Variants in ZNF215 observed in about 807,000 individuals in gnomAD.
ZNF215 encodes the protein zinc finger protein 215.
ZNF215 carries 24 observed loss-of-function variants against 27.2 expected under a neutral mutation model. That is an observed-to-expected ratio of 0.88 (90% confidence interval 0.64 to 1.24). The LOEUF (loss-of-function observed/expected upper bound fraction) is 1.24. ZNF215 is among the 50% of genes most tolerant of loss of function. ZNF215 has a pLI of 0.00. For synonymous variants in ZNF215, 210 were observed against 204.0 expected, an observed-to-expected ratio of 1.03 and a Z score of -0.25; for missense variants, 675 against 605.7, an observed-to-expected ratio of 1.11 and a Z score of -1.20.
chr11:6,982,328 A>T (rs955160144), intron 5 of ZNF215, among the ~76,000 whole-genome samples: 1 of 151,950 alleles, frequency 6.6e-6, no homozygotes, highest in African/African-American at 2.4e-5. Context: ...ACACCCCACT[A>T]TCAACATTAG....
chr11:6,951,519 A>G (rs374279868), intron 6 of ZNF215, among the ~76,000 whole-genome samples: 5 of 152,036 alleles, frequency 3.3e-5, no homozygotes, highest in African/African-American at 7.2e-5. Context: ...GTTTATTTGC[A>G]TAGAGGTGTT....
At chr11:6,969,564 G>A (rs1383187216) in intron 5 of ZNF215, among the ~76,000 whole-genome samples, 1 of 146,088 alleles carries the variant, frequency 6.8e-6, no homozygotes, top group African/African-American at 2.5e-5. Context: ...AAACATAATT[G>A]CATCAGTAAA....
intron 6 of ZNF215, among the ~76,000 whole-genome samples, chr11:6,947,839 T>G (rs143336104): frequency 1.3e-5 from 2 of 152,336 alleles, no homozygotes; most frequent in Non-Finnish European, 2.9e-5. Flanking sequence ...TGGGATGGAA[T>G]GTCCAAGATG....
At position 6,957,114 on chromosome 11, in the gene ZNF215, G is replaced by A. The variant is rs1267774898; in HGVS notation, c.*583G>A. ...TAGAGTTGGGAAAGGGTTATCAACTGCAATGGGAGAAGTATGTATTGCTGT... is the reference window on the plus strand; with the variant it reads ...TAGAGTTGGGAAAGGGTTATCAACTACAATGGGAGAAGTATGTATTGCTGT... On this transcript the variant is annotated 3_prime_UTR_variant, in exon 7 of 7. Transcript: ENST00000278319. The A allele has an allele frequency of 2.0e-6, 2 of 985,420 alleles. No individual in the cohort carries two copies. Among genetic ancestry groups the A allele is most frequent in the Non-Finnish European group, 1.2e-6 (1 of 829,922 alleles). The allele number at this position is 985,420 out of a possible 1,614,324, so 61.0% of individuals were successfully genotyped here.
downstream of ZNF215, among the ~76,000 whole-genome samples, chr11:6,990,314 C>T (rs891771277): frequency 2.0e-5 from 3 of 152,126 alleles, no homozygotes; most frequent in African/African-American, 7.2e-5. Context: ...GAAGGGAAAT[C>T]TTTCCAGTGG....
At chr11:6,952,360 T>C (rs570421621) in intron 6 of ZNF215, among the ~76,000 whole-genome samples, 1 of 152,192 alleles carries the variant, frequency 6.6e-6, no homozygotes, top group African/African-American at 2.4e-5. Context: ...TATTATTGTG[T>C]GGGAGTCTAA....
At chr11:6,966,759 G>C (rs1850628026) in intron 5 of ZNF215, among the ~76,000 whole-genome samples, 1 of 149,970 alleles carries the variant, frequency 6.7e-6, no homozygotes, top group Admixed American at 6.7e-5. Context: ...GTACTTTTTT[G>C]TTTCTTAAGG....
downstream of ZNF215, among the ~76,000 whole-genome samples, chr11:6,987,760 G>T (rs771270505): frequency 6.6e-6 from 1 of 152,154 alleles, no homozygotes; most frequent in African/African-American, 2.4e-5. Context: ...CTAGTAACCA[G>T]TCAGTTGTTC....
intron 6 of ZNF215, among the ~76,000 whole-genome samples, chr11:6,948,499 G>GA (rs1042278484): frequency 5.9e-5 from 9 of 152,090 alleles, no homozygotes; most frequent in Non-Finnish European, 1.2e-4. Flanking sequence ...ATAAATATTA[G>GA]AAAAGCAAAG....
intron 5 of ZNF215, among the ~76,000 whole-genome samples, chr11:6,977,189 A>G (rs1477313833): frequency 6.6e-6 from 1 of 152,058 alleles, no homozygotes; most frequent in Non-Finnish European, 1.5e-5. Flanking sequence ...GTGGCCAACC[A>G]CAGTCTGAAA....
In ZNF215 at chr11:6,932,300, A is replaced by G; in HGVS notation, c.28A>G (p.Ile10Val). ...GCAGCCTCTGAGCAAGTTGATGGCT[A>G]TCTCAAAACCTCGAAACCTGTCTCT... MQPLSKLMA[I>V]SKPRNLSLRE... is the part of the protein sequence containing the mutation. Residue 10 changes from isoleucine (I) to valine (V), a missense_variant, in exon 3 of 7, where the codon ATC becomes GTC. Transcript: ENST00000278319. 12 of 1,614,070 alleles carry G rather than the reference A, an allele frequency of 7.4e-6. No individual in the cohort carries two copies. The highest frequency in any genetic ancestry group is 1.0e-5 in the Non-Finnish European group (12 of 1,179,990).
chr11:6,993,377 A>G (rs1304196698), downstream of ZNF215, among the ~76,000 whole-genome samples: 1 of 152,180 alleles, frequency 6.6e-6, no homozygotes, highest in Non-Finnish European at 1.5e-5. Flanking sequence ...TCTGATCCTC[A>G]GAGAAATCAC....
At chr11:6,941,708 T>C in intron 4 of ZNF215, 55 bp downstream of exon 4, 3 of 1,571,096 alleles carry the variant, frequency 1.9e-6, no homozygotes, top group Non-Finnish European at 2.6e-6. Context: ...TAGTATTACC[T>C]GCTTTCAATT....
chr11:6,932,046 T>C, intron 2 of ZNF215, 48 bp from the exon 3 acceptor site: 1 of 473,130 alleles, frequency 2.1e-6, no homozygotes. Context: ...TTTAACACTA[T>C]GCTAATAGAT....
chr11:6,952,851 A>G (rs1253277844), intron 6 of ZNF215, among the ~76,000 whole-genome samples: 6 of 151,668 alleles, frequency 4.0e-5, no homozygotes, highest in Non-Finnish European at 5.9e-5. Flanking sequence ...ACAATTTGGC[A>G]TGATTTTGCA....
intron 6 of ZNF215, 96 bp from the exon 7 acceptor site, chr11:6,955,594 A>G (rs1037196015): frequency 3.3e-6 from 4 of 1,229,204 alleles, no homozygotes; most frequent in Admixed American, 5.6e-5. Context: ...TGTATTTAAG[A>G]CCCGTGGTAT....
downstream of ZNF215, among the ~76,000 whole-genome samples, chr11:6,993,347 T>C (rs1013603511): frequency 2.0e-5 from 3 of 152,180 alleles, no homozygotes; most frequent in African/African-American, 7.2e-5. Context: ...GGCAACACTA[T>C]TTCCTACTTC....
chr11:6,991,206 T>C (rs1180438207), downstream of ZNF215, among the ~76,000 whole-genome samples: 1 of 152,242 alleles, frequency 6.6e-6, no homozygotes, highest in African/African-American at 2.4e-5. Context: ...GGTAGAGTTC[T>C]GGACAACCGC....
chr11:6,953,769 T>C (rs1223056350), intron 6 of ZNF215, among the ~76,000 whole-genome samples: 2 of 152,234 alleles, frequency 1.3e-5, no homozygotes, highest in African/African-American at 2.4e-5. Flanking sequence ...TTTGTTCCGT[T>C]GCTTGTGAGG....
Sources: gnomAD v4.1 joint callset for allele counts (sites outside exome capture counted in the v4.1 genomes callset) on GRCh38, gnomAD v4.1.1 for gene constraint, MANE v1.5 for transcripts, NCBI Gene and HGNC (gene_info 2026-07-23, HGNC 2026-07-21) for gene names.